MSRB2: variants seen among roughly 807,000 people sequenced by gnomAD.
The protein encoded by MSRB2 is methionine sulfoxide reductase B2.
In MSRB2, 17 loss-of-function variants were observed where a neutral mutation model predicts 19.0. That is an observed-to-expected ratio of 0.89 (90% CI 0.61 to 1.34). The LOEUF is 1.34. Ranked by LOEUF, MSRB2 falls within the 40% of genes most tolerant of loss-of-function variation. MSRB2 has a pLI of 0.00. For synonymous variants in MSRB2, 107 were observed against 99.7 expected (o/e 1.07, Z -0.44); for missense variants, 208 against 237.6 (o/e 0.88, Z 0.82).
Position 23,110,314 on chromosome 10 carries a change from T to C in MSRB2, c.292T>C (p.Phe98Leu), listed in dbSNP as rs1454477252. The change falls in exon 3 of 5, where the codon TTC becomes CTC. Residue 98 changes from phenylalanine to leucine, a missense_variant. Coordinates refer to ENST00000376510, the MANE Select transcript of MSRB2 (RefSeq NM_012228.4). Reference protein sequence around the residue: ...YHCVCCDSPLFSSEKKYCSGT... With the variant: ...YHCVCCDSPLLSSEKKYCSGT... The stretch of plus-strand genomic sequence containing the variant: ...TTGCGTGTGCTGCGACAGTCCACTC[T>C]TCAGGTAAGATAAAGAATTGAGAGC... 2.5e-6 allele frequency: 4 copies of C among 1,613,388 alleles called. No individual in the cohort carries two copies. Among genetic ancestry groups the C allele is most frequent in the Admixed American group, 1.7e-5 (1 of 59,986 alleles).
intron 1 of MSRB2, among the ~76,000 whole-genome samples, chr10:23,100,678 A>C (rs886540002): frequency 1.3e-5 from 2 of 152,210 alleles, no homozygotes; most frequent in African/African-American, 4.8e-5. Context: ...ATAACTCACT[A>C]TCACGAGAAC....
At chr10:23,096,352 C>CTGTGTGTGTGTGTGTGTGTGTGTG (rs767702970) in intron 1 of MSRB2, among the ~76,000 whole-genome samples, 1,605 of 142,782 alleles carry the variant, frequency 0.011, 46 homozygotes, top group African/African-American at 0.036. Flanking sequence ...CTCTCTCTCT[C>CTGTGTGTGTGTGTGTGTGTGTGTG]TGTGTGTGTG....
chr10:23,105,645 A>T (rs1392856002), intron 2 of MSRB2, among the ~76,000 whole-genome samples: 2 of 152,198 alleles, frequency 1.3e-5, no homozygotes, highest in African/African-American at 4.8e-5. Flanking sequence ...GAACTTTGTT[A>T]TTAGATATTT....
At position 23,121,398 on chromosome 10, in the gene MSRB2, C is replaced by G. The variant is rs12247508; in HGVS notation, c.*536C>G. On this transcript the variant is annotated 3_prime_UTR_variant, in exon 5 of 5. Coordinates refer to ENST00000376510, the MANE Select transcript of MSRB2 (RefSeq NM_012228.4). ...CTCACTCACTGTCACCAGGACAGCA[C>G]CAAGCCATGAGGGATCCACCCTCAT... 21,515 of 152,806 alleles carry G rather than the reference C, an allele frequency of 0.14. 1,671 individuals carry two copies. The highest frequency in any genetic ancestry group is 0.2 in the African/African-American group (8,380 of 41,474). The allele number at this position is 152,806 out of a possible 1,614,324, so 9.5% of individuals were successfully genotyped here. A position where few individuals can be genotyped will look rare whatever the true frequency, so the allele number is the denominator to read the frequency against.
At chr10:23,106,817 T>A (rs1172417510) in intron 2 of MSRB2, among the ~76,000 whole-genome samples, 1 of 152,202 alleles carries the variant, frequency 6.6e-6, no homozygotes, top group Non-Finnish European at 1.5e-5. Context: ...CTTGTGGATT[T>A]CCATTGGCCC....
intron 3 of MSRB2, among the ~76,000 whole-genome samples, chr10:23,118,632 T>C (rs1840143963): frequency 6.6e-6 from 1 of 152,106 alleles, no homozygotes; most frequent in Admixed American, 6.5e-5. Flanking sequence ...ATCATCACCA[T>C]CACAGCAAGC....
chr10:23,104,362 T>C, intron 2 of MSRB2, 118 bp downstream of exon 2: 1 of 678,404 alleles, frequency 1.5e-6, no homozygotes, highest in Non-Finnish European at 2.4e-6. Context: ...CTGGTCTTCC[T>C]CTTCCATTGT....
chr10:23,113,647 TGGC>T (rs1840078410), intron 3 of MSRB2, among the ~76,000 whole-genome samples: 1 of 152,186 alleles, frequency 6.6e-6, no homozygotes, highest in South Asian at 2.1e-4. Flanking sequence ...GGAAATAGGG[TGGC>T]TGCAGGTATA....
intron 1 of MSRB2, among the ~76,000 whole-genome samples, chr10:23,100,682 C>T (rs761156185): frequency 2.5e-4 from 38 of 152,150 alleles, no homozygotes; most frequent in African/African-American, 7.2e-4. Flanking sequence ...CTCACTATCA[C>T]GAGAACAGCA....
intron 1 of MSRB2, among the ~76,000 whole-genome samples, chr10:23,103,626 T>G (rs1345947530): frequency 1.3e-5 from 2 of 152,226 alleles, no homozygotes; most frequent in African/African-American, 2.4e-5. Flanking sequence ...TGGGAGTTTC[T>G]TCTTTTGTTC....
intron 2 of MSRB2, among the ~76,000 whole-genome samples, chr10:23,104,749 C>T (rs12770535): frequency 0.14 from 21,548 of 152,154 alleles, 1,624 homozygotes; most frequent in African/African-American, 0.18. Flanking sequence ...CCTCTTGACA[C>T]GGTACTTTGG....
chr10:23,121,109 T>A lies in MSRB2; in HGVS notation c.*247T>A. 1 of 418,424 alleles carries A rather than the reference T, an allele frequency of 2.4e-6. No individual in the cohort carries two copies. Among genetic ancestry groups the A allele is most frequent in the South Asian group, 6.6e-5 (1 of 15,200 alleles). 25.9% of individuals were successfully genotyped at this position (418,424 alleles called of 1,614,324 possible). Reference sequence around the variant, plus strand: ...GAGAATTTGAAAAAAAAAGAAAAACTAGAAAAATAAACAAAATTAAAAAGA... The same window carrying A: ...GAGAATTTGAAAAAAAAAGAAAAACAAGAAAAATAAACAAAATTAAAAAGA... On this transcript the variant is annotated 3_prime_UTR_variant, in exon 5 of 5. Coordinates refer to ENST00000376510, the MANE Select transcript of MSRB2 (RefSeq NM_012228.4).
intron 2 of MSRB2, among the ~76,000 whole-genome samples, chr10:23,108,615 A>C (rs991627409): frequency 1.3e-5 from 2 of 151,602 alleles, no homozygotes; most frequent in Admixed American, 6.6e-5. Flanking sequence ...AGCTGGGATT[A>C]CAGGCGTGCT....
At chr10:23,097,346 T>A (rs1017516036) in intron 1 of MSRB2, among the ~76,000 whole-genome samples, 1 of 152,202 alleles carries the variant, frequency 6.6e-6, no homozygotes, top group African/African-American at 2.4e-5. Flanking sequence ...ACTGGGTGGC[T>A]TCAACAACAT....
At chr10:23,112,500 T>C (rs1458212291) in intron 3 of MSRB2, among the ~76,000 whole-genome samples, 2 of 152,182 alleles carry the variant, frequency 1.3e-5, no homozygotes, top group African/African-American at 4.8e-5. Flanking sequence ...ATCTGAGTCA[T>C]GAATTAATAC....
At chr10:23,102,312 C>T (rs953516285) in intron 1 of MSRB2, among the ~76,000 whole-genome samples, 4 of 152,170 alleles carry the variant, frequency 2.6e-5, no homozygotes, top group African/African-American at 9.7e-5. Context: ...GACAGTTTTC[C>T]TCTCAGGAAA....
At position 23,120,893 on chromosome 10, in the gene MSRB2, C is replaced by A; in HGVS notation, c.*31C>A. 6.6e-7 allele frequency: 1 copy of A among 1,510,960 alleles called. No individual in the cohort carries two copies. Among genetic ancestry groups the A allele is most frequent in the Non-Finnish European group, 9.2e-7 (1 of 1,089,966 alleles). 93.6% of individuals were successfully genotyped at this position (1,510,960 alleles called of 1,614,324 possible). A position where few individuals can be genotyped will look rare whatever the true frequency, so the allele number is the denominator to read the frequency against. The stretch of plus-strand genomic sequence containing the variant: ...TTCAAGAGTCCCGTTCCCTTGCCAC[C>A]CCTTCACGTGCACCCTCAATTTCCA... On this transcript the variant is annotated 3_prime_UTR_variant, in exon 5 of 5. Transcript: ENST00000376510.
intron 3 of MSRB2, among the ~76,000 whole-genome samples, chr10:23,117,860 G>A (rs1840129582): frequency 2.6e-5 from 4 of 152,160 alleles, no homozygotes; most frequent in Admixed American, 2.6e-4. Flanking sequence ...TAAAAAGCTG[G>A]GATTATAGGC....
chr10:23,109,767 C>T (rs1246343358), intron 2 of MSRB2, among the ~76,000 whole-genome samples: 1 of 152,156 alleles, frequency 6.6e-6, no homozygotes, highest in Non-Finnish European at 1.5e-5. Context: ...GTGTCCTAAA[C>T]ATTATGTGAA....
Sources: allele counts gnomAD v4.1 joint callset (sites outside exome capture counted in the v4.1 genomes callset), GRCh38; gene constraint gnomAD v4.1.1; transcripts MANE v1.5; gene names NCBI Gene and HGNC (gene_info 2026-07-23, HGNC 2026-07-21).